The following CRACDL variants were observed in gnomAD, a reference collection of about 807,000 sequenced individuals.
The protein encoded by CRACDL is CRACD like.
A neutral mutation model predicts 70.6 loss-of-function variants in CRACDL; 26 were observed. The observed-to-expected ratio is 0.37, with a 90% CI of 0.27 to 0.51. CRACDL has a LOEUF of 0.51. CRACDL is among the 20% of genes least tolerant of loss of function. The pLI, the probability that CRACDL is intolerant of heterozygous loss-of-function variation, is 0.94. For missense variants in CRACDL, 1,283 were observed against 1,376.9 expected, an observed-to-expected ratio of 0.93 and a Z score of 1.08; for synonymous variants, 618 against 615.2, an observed-to-expected ratio of 1.00 and a Z score of -0.07.
chr2:98,822,732 G>T lies in CRACDL; in HGVS notation c.1541C>A (p.Pro514Gln). 1 of 1,260,168 alleles carries T rather than the reference G, an allele frequency of 7.9e-7. No individual in the cohort carries two copies. Among genetic ancestry groups the T allele is most frequent in the Middle Eastern group, 3.0e-4 (1 of 3,340 alleles). 78.1% of individuals were successfully genotyped at this position (1,260,168 alleles called of 1,614,324 possible). Residue 514 changes from proline (P) to glutamine (Q), a missense_variant, in exon 7 of 10, where the codon CCG becomes CAG. Transcript: ENST00000397899. This position sits in a 1 kb window ranked among gnomAD's most constrained non-coding sequence, Gnocchi z 4.9. ...AASEGPAASP[P>Q]LAAAESPPVE... is the part of the protein sequence containing the mutation. ...CGGGGGAGACTCCGCAGCGGCAAGC[G>T]GCGGGGACGCGGCGGGGCCCTCGCT...
chr2:98,832,278 G>A, intron 5 of CRACDL, 70 bp downstream of exon 5: 1 of 1,538,156 alleles, frequency 6.5e-7, no homozygotes, highest in Non-Finnish European at 9.0e-7. Flanking sequence ...ACACACAGGG[G>A]ATCTCAGAGC....
Position 98,823,447 on chromosome 2 carries a change from C to T in CRACDL, c.826G>A (p.Glu276Lys), listed in dbSNP as rs1375879432. 3 of 1,590,032 alleles carry T rather than the reference C, an allele frequency of 1.9e-6. No homozygotes were observed. Among genetic ancestry groups the T allele is most frequent in the African/African-American group, 1.3e-5 (1 of 74,730 alleles). ...TCCTGCTGCCCAGAGCTGGGGCGCT[C>T]TTCTGGGCTGACTTCCAAAAGTGGC... ...EKPLLEVSPEERPSSGQQDVA... is the reference protein window; with the variant it reads ...EKPLLEVSPEKRPSSGQQDVA... The change falls in exon 7 of 10, where the codon GAG (glutamate) becomes AAG (lysine). Residue 276 changes from glutamate (E) to lysine (K), a missense_variant. Physicochemically the swap from Glu to Lys is moderately conservative, Grantham distance 56. This residue lies in a region of CRACDL where 362 missense variants were observed against 495.0 expected (regional missense o/e 0.73). Transcript: ENST00000397899. The surrounding 1 kb of genome is among the most constrained non-coding windows in gnomAD (Gnocchi z 4.0).
At chr2:98,824,362 G>C (rs1317995024) in intron 6 of CRACDL, among the ~76,000 whole-genome samples, 1 of 142,010 alleles carries the variant, frequency 7.0e-6, no homozygotes, top group Non-Finnish European at 1.5e-5. Context: ...ACTCTATGCA[G>C]TTTAAGATTC....
chr2:98,916,564 C>T (rs1217043839), intron 1 of CRACDL, among the ~76,000 whole-genome samples: 2 of 152,078 alleles, frequency 1.3e-5, no homozygotes, highest in Admixed American at 1.3e-4. Context: ...TCCCATAATT[C>T]TATCACAGCT....
Position 98,936,004 on chromosome 2 carries a change from C to A in CRACDL, c.-77G>T, listed in dbSNP as rs1298215984. 1 of 151,994 alleles carries A rather than the reference C, an allele frequency of 6.6e-6. No individual in the cohort carries two copies. The highest frequency in any genetic ancestry group is 1.5e-5 in the Non-Finnish European group (1 of 67,924). 9.4% of individuals were successfully genotyped at this position (151,994 alleles called of 1,614,324 possible). On this transcript the variant is annotated 5_prime_UTR_variant, in exon 1 of 10. Coordinates refer to ENST00000397899, the MANE Select transcript of CRACDL (RefSeq NM_207362.3). Reference sequence around the variant, plus strand: ...GAAGGGCACCTTCCGCGGGGTGCGGCGAGCCGGGGCTGCTCCCGCCGCGGT... The same window carrying A: ...GAAGGGCACCTTCCGCGGGGTGCGGAGAGCCGGGGCTGCTCCCGCCGCGGT...
At chr2:98,795,071 A>ATTTTTTTTTT (rs1391098955) in intron 9 of CRACDL, among the ~76,000 whole-genome samples, 2 of 22,394 alleles carry the variant, frequency 8.9e-5, no homozygotes, top group South Asian at 2.5e-3. Flanking sequence ...ATATATATAT[A>ATTTTTTTTTT]TATATATTTT....
At chr2:98,934,036 A>G (rs1398931207) in intron 1 of CRACDL, among the ~76,000 whole-genome samples, 1 of 152,084 alleles carries the variant, frequency 6.6e-6, no homozygotes, top group Non-Finnish European at 1.5e-5. Context: ...AAGCCCATTC[A>G]TGACCTATCA....
intron 1 of CRACDL, among the ~76,000 whole-genome samples, chr2:98,896,203 G>A (rs1451216043): frequency 6.6e-6 from 1 of 152,150 alleles, no homozygotes; most frequent in East Asian, 1.9e-4. Context: ...GAAGTGAGGA[G>A]AAGACACGGC....
chr2:98,932,090 A>G (rs1709092648), intron 1 of CRACDL, among the ~76,000 whole-genome samples: 1 of 152,222 alleles, frequency 6.6e-6, no homozygotes, highest in Non-Finnish European at 1.5e-5. Context: ...ATTTCCGTTC[A>G]GTTTGGGGAA....
chr2:98,839,320 C>G (rs1466551046), intron 2 of CRACDL, among the ~76,000 whole-genome samples: 3 of 152,226 alleles, frequency 2.0e-5, no homozygotes, highest in African/African-American at 7.2e-5. Flanking sequence ...ACAGCACCTT[C>G]TAGTTTTCTC....
intron 1 of CRACDL, among the ~76,000 whole-genome samples, chr2:98,852,894 TG>T (rs1005200154): frequency 7.8e-6 from 1 of 128,068 alleles, no homozygotes; most frequent in African/African-American, 3.0e-5. Flanking sequence ...AAACAGGGAG[TG>T]GGGGGAGTGT....
chr2:98,871,932 A>G (rs1281877397), intron 1 of CRACDL, among the ~76,000 whole-genome samples: 1 of 152,256 alleles, frequency 6.6e-6, no homozygotes, highest in Non-Finnish European at 1.5e-5. Context: ...GTGTCCATCA[A>G]CAAATGACTG....
chr2:98,817,701 A>G (rs1400285532), intron 7 of CRACDL, among the ~76,000 whole-genome samples: 2 of 152,158 alleles, frequency 1.3e-5, no homozygotes, highest in Non-Finnish European at 1.5e-5. Flanking sequence ...GACATTAAAT[A>G]TTTGTTGAAA....
At chr2:98,907,771 AAAG>A (rs1708449603) in intron 1 of CRACDL, among the ~76,000 whole-genome samples, 1 of 152,304 alleles carries the variant, frequency 6.6e-6, no homozygotes, top group African/African-American at 2.4e-5. Flanking sequence ...ATTGCTTGGG[AAAG>A]AAGAGTAAGT....
intron 7 of CRACDL, among the ~76,000 whole-genome samples, chr2:98,798,858 AT>A (rs1375825716): frequency 6.6e-6 from 1 of 151,894 alleles, no homozygotes. Context: ...CGCCCAGTGA[AT>A]TTTTTGTAGA....
At chr2:98,900,045 T>G (rs1278089224) in intron 1 of CRACDL, among the ~76,000 whole-genome samples, 24 of 47,344 alleles carry the variant, frequency 5.1e-4, no homozygotes, top group Admixed American at 1.4e-3. Flanking sequence ...GGGAGGCAGA[T>G]GGACAGAGGC....
At chr2:98,899,443 GC>G (rs1181632820) in intron 1 of CRACDL, among the ~76,000 whole-genome samples, 1 of 152,270 alleles carries the variant, frequency 6.6e-6, no homozygotes, top group African/African-American at 2.4e-5. Context: ...CAGTGCAGGA[GC>G]AGGTGCCAAG....
At chr2:98,906,499 T>C (rs1708418409) in intron 1 of CRACDL, among the ~76,000 whole-genome samples, 1 of 152,062 alleles carries the variant, frequency 6.6e-6, no homozygotes, top group African/African-American at 2.4e-5. Flanking sequence ...TGACCTCAGG[T>C]GATCCGCCTG....
intron 8 of CRACDL, 41 bp downstream of exon 8, chr2:98,797,309 C>A: frequency 1.3e-6 from 2 of 1,590,442 alleles, no homozygotes; most frequent in South Asian, 2.2e-5. Flanking sequence ...GCTGGCTGCT[C>A]CCTCCTGCAC....
Sources: gnomAD v4.1 joint callset for allele counts (sites outside exome capture counted in the v4.1 genomes callset) on GRCh38, gnomAD v4.1.1 for gene constraint, gnomAD v4.1.1 regional missense constraint, Gnocchi (gnomAD v3.1) non-coding constraint, MANE v1.5 for transcripts, NCBI Gene and HGNC (gene_info 2026-07-23, HGNC 2026-07-21) for gene names.